Variants in RARB observed in about 807,000 individuals in gnomAD.
RARB encodes retinoic acid receptor beta.
In RARB, 17 loss-of-function variants were observed where a neutral mutation model predicts 51.9. That is an observed-to-expected ratio of 0.33 (90% CI 0.22 to 0.49). The LOEUF (loss-of-function observed/expected upper bound fraction) is 0.49, where lower values mean the gene tolerates loss of function less well. Among genes scored for constraint, RARB ranks in the 20% least tolerant of loss-of-function variants. The pLI, the probability that RARB is intolerant of heterozygous loss-of-function variation, is 0.99. For synonymous variants in RARB, 215 were observed against 195.4 expected (o/e 1.10, Z -0.84); for missense variants, 369 against 550.8 (o/e 0.67, Z 3.30).
At position 25,312,161 on chromosome 3, in the gene RARB, G is replaced by A. The variant is rs563463546; in HGVS notation, c.178+137586G>A. On this transcript the variant is annotated intron_variant, in intron 5 of 11. Transcript: ENST00000383772. ...GGATGATGGGGGTAGAATCAGAGAC[G>A]GAAGAAAAATTAATGTGTTATTTTC... Among the ~76,000 whole-genome samples the A allele has an allele frequency of 3.3e-5, 5 of 152,146 alleles. No individual in the cohort carries two copies. The East Asian group carries it at 5.8e-4, about 18-fold the overall frequency.
At chr3:24,952,199 C>T (rs939335126) in intron 2 of RARB, among the ~76,000 whole-genome samples, 15 of 151,830 alleles carry the variant, frequency 9.9e-5, no homozygotes, top group African/African-American at 3.6e-4. Flanking sequence ...CATAGTGAGA[C>T]CCTGTCTATT....
At chr3:25,100,917 C>G (rs1277418408) in intron 3 of RARB, among the ~76,000 whole-genome samples, 4 of 152,144 alleles carry the variant, frequency 2.6e-5, no homozygotes, top group African/African-American at 9.7e-5. Context: ...ATCTTAGACT[C>G]CTGTTGGCTC....
chr3:25,474,947 A>G (rs563968543), intron 2 of RARB, among the ~76,000 whole-genome samples: 2 of 152,308 alleles, frequency 1.3e-5, no homozygotes, highest in Admixed American at 6.5e-5. Context: ...ACATACAGAT[A>G]TCATTTTTTT....
intron 2 of RARB, among the ~76,000 whole-genome samples, chr3:24,860,077 A>G (rs1343110278): frequency 6.6e-6 from 1 of 152,148 alleles, no homozygotes; most frequent in Non-Finnish European, 1.5e-5. Flanking sequence ...TTGGTTTGTG[A>G]TGCTGCCAGG....
intron 5 of RARB, among the ~76,000 whole-genome samples, chr3:25,257,011 A>G (rs1027333206): frequency 6.6e-6 from 1 of 152,136 alleles, no homozygotes; most frequent in Non-Finnish European, 1.5e-5. Flanking sequence ...AGCTCCTGAC[A>G]GCCTCAGAAA....
At position 25,080,480 on chromosome 3, in the gene RARB, AG is replaced by A. The variant is rs531226787; in HGVS notation, c.-328+20306del. On this transcript the variant is annotated intron_variant, in intron 3 of 11. Coordinates refer to the RARB transcript ENST00000383772. Reference sequence around the variant, plus strand: ...ATGGTAATTTTACATCTACCTTTTGAGGAACTGCCAAACTGTATTTCCGCAG... The same window carrying A: ...ATGGTAATTTTACATCTACCTTTTGAGAACTGCCAAACTGTATTTCCGCAG... Among the ~76,000 whole-genome samples, 811 of 152,336 alleles carry A rather than the reference AG, an allele frequency of 5.3e-3. 4 individuals carry two copies. The highest frequency in any genetic ancestry group is 7.4e-3 in the Non-Finnish European group (505 of 68,020).
intron 5 of RARB, among the ~76,000 whole-genome samples, chr3:25,319,865 T>C (rs1469021551): frequency 6.6e-6 from 1 of 152,166 alleles, no homozygotes; most frequent in Admixed American, 6.5e-5. Context: ...CTTTTTATTC[T>C]TTTGAAAAGG....
intron 3 of RARB, among the ~76,000 whole-genome samples, chr3:25,559,299 G>C (rs142140855): frequency 7.2e-5 from 11 of 152,262 alleles, no homozygotes; most frequent in Non-Finnish European, 1.0e-4. Flanking sequence ...ATAAGACCTA[G>C]CATATTCTTA....
chr3:25,164,617 A>G (rs1462421555), intron 4 of RARB, among the ~76,000 whole-genome samples: 1 of 152,176 alleles, frequency 6.6e-6, no homozygotes, highest in Non-Finnish European at 1.5e-5. Flanking sequence ...TACCCCTTCA[A>G]ATTATAGGTA....
intron 2 of RARB, among the ~76,000 whole-genome samples, chr3:24,965,363 T>A (rs1455392168): frequency 6.6e-6 from 1 of 152,132 alleles, no homozygotes; most frequent in African/African-American, 2.4e-5. Context: ...TTAATTGAGG[T>A]CATTTCGAGG....
intron 3 of RARB, among the ~76,000 whole-genome samples, chr3:25,121,698 T>C (rs1699784922): frequency 6.6e-6 from 1 of 152,216 alleles, no homozygotes; most frequent in African/African-American, 2.4e-5. Flanking sequence ...AACTTGTACA[T>C]AGGAGGTGTT....
intron 5 of RARB, among the ~76,000 whole-genome samples, chr3:25,418,839 TGATAA>T (rs988033633): frequency 5.9e-5 from 9 of 151,346 alleles, no homozygotes; most frequent in African/African-American, 2.2e-4. Context: ...CAAGTTAGGG[TGATAA>T]GATAACAGGG....
chr3:25,004,842 T>C (rs1205748749), intron 2 of RARB, among the ~76,000 whole-genome samples: 1 of 152,144 alleles, frequency 6.6e-6, no homozygotes, highest in African/African-American at 2.4e-5. Flanking sequence ...TTTTTTAAGT[T>C]TTATAAAATA....
chr3:25,218,663 C>A (rs1575228994), intron 5 of RARB, among the ~76,000 whole-genome samples: 1 of 152,154 alleles, frequency 6.6e-6, no homozygotes, highest in East Asian at 1.9e-4. Flanking sequence ...TTGCTATGAC[C>A]TTACCTTGCT....
chr3:25,280,443 C>T (rs1703495905), intron 5 of RARB, among the ~76,000 whole-genome samples: 1 of 152,104 alleles, frequency 6.6e-6, no homozygotes, highest in African/African-American at 2.4e-5. Flanking sequence ...ATGTCCTGAA[C>T]CCCATCAGAG....
intron 5 of RARB, among the ~76,000 whole-genome samples, chr3:25,298,497 C>T (rs1388116635): frequency 2.0e-5 from 3 of 152,118 alleles, no homozygotes; most frequent in Non-Finnish European, 4.4e-5. Context: ...CAGGCTGTGC[C>T]GACATTCCTT....
At chr3:25,296,520 A>T (rs567141674) in intron 5 of RARB, among the ~76,000 whole-genome samples, 1 of 152,176 alleles carries the variant, frequency 6.6e-6, no homozygotes, top group African/African-American at 2.4e-5. Flanking sequence ...GAGTTCATAC[A>T]TGAATATATT....
chr3:25,467,351 T>C (rs1182392215), intron 2 of RARB, among the ~76,000 whole-genome samples: 1 of 152,248 alleles, frequency 6.6e-6, no homozygotes, highest in Non-Finnish European at 1.5e-5. Flanking sequence ...TGACTTGGCT[T>C]GGGCCAGGTG....
At chr3:25,433,805 A>G (rs1330482028) in intron 1 of RARB, among the ~76,000 whole-genome samples, 2 of 152,142 alleles carry the variant, frequency 1.3e-5, no homozygotes, top group African/African-American at 2.4e-5. Flanking sequence ...TCCTTACCCC[A>G]TCATTAAAAA....
Sources: allele counts gnomAD v4.1 joint callset (sites outside exome capture counted in the v4.1 genomes callset), GRCh38; gene constraint gnomAD v4.1.1; transcripts MANE v1.5; gene names NCBI Gene and HGNC (gene_info 2026-07-23, HGNC 2026-07-21).